CDKAL1: variants seen among roughly 807,000 people sequenced by gnomAD.
CDKAL1 encodes the protein CDKAL1 threonylcarbamoyladenosine tRNA methylthiotransferase.
Under a neutral mutation model 68.2 loss-of-function variants are expected in CDKAL1, and 32 were observed. The observed-to-expected ratio is 0.47, with a 90% CI of 0.35 to 0.63. CDKAL1 has a LOEUF of 0.63. CDKAL1 is among the 30% of genes least tolerant of loss of function. The pLI is 0.00. For synonymous variants in CDKAL1, 234 were observed against 244.3 expected (o/e 0.96, Z 0.39); for missense variants, 606 against 696.7 (o/e 0.87, Z 1.47).
intron 8 of CDKAL1, among the ~76,000 whole-genome samples, chr6:20,803,812 AAAAG>A (rs1776462726): frequency 6.6e-6 from 1 of 152,140 alleles, no homozygotes; most frequent in African/African-American, 2.4e-5. Context: ...AGCTACTGGG[AAAAG>A]AGAGAGACCA....
intron 5 of CDKAL1, among the ~76,000 whole-genome samples, chr6:20,709,250 G>A (rs56397654): frequency 0.082 from 12,448 of 152,008 alleles, 1,660 homozygotes; most frequent in African/African-American, 0.28. Context: ...TATTTGAACC[G>A]TCTAATGAAG....
chr6:21,228,449 C>T (rs1779833370), intron 15 of CDKAL1, among the ~76,000 whole-genome samples: 1 of 152,182 alleles, frequency 6.6e-6, no homozygotes, highest in South Asian at 2.1e-4. Flanking sequence ...TCTTATAACA[C>T]CACACTTATA....
intron 15 of CDKAL1, among the ~76,000 whole-genome samples, chr6:21,217,985 A>G (rs1779403753): frequency 6.6e-6 from 1 of 152,184 alleles, no homozygotes; most frequent in South Asian, 2.1e-4. Flanking sequence ...CCCAGTTTGC[A>G]GCTTGTTAAC....
chr6:20,594,567 G>A (rs1765737588), intron 4 of CDKAL1, among the ~76,000 whole-genome samples: 1 of 152,016 alleles, frequency 6.6e-6, no homozygotes. Flanking sequence ...TTGAGCCTAT[G>A]TGTGTCTTTG....
intron 4 of CDKAL1, among the ~76,000 whole-genome samples, chr6:20,571,825 G>C (rs966169127): frequency 6.6e-6 from 1 of 151,988 alleles, no homozygotes; most frequent in African/African-American, 2.4e-5. Flanking sequence ...TACCCATCTT[G>C]ATGTATTTGC....
At chr6:20,728,616 C>G (rs1772762973) in intron 5 of CDKAL1, among the ~76,000 whole-genome samples, 1 of 152,090 alleles carries the variant, frequency 6.6e-6, no homozygotes, top group African/African-American at 2.4e-5. Context: ...ATGACACTGT[C>G]TTTACTTTGA....
chr6:21,174,717 T>C lies in CDKAL1; in HGVS notation c.1300-23304T>C, dbSNP rs79201937. Among the ~76,000 whole-genome samples the C allele has an allele frequency of 3.1e-3, 427 of 139,994 alleles. 4 individuals carry two copies. Among genetic ancestry groups the C allele is most frequent in the African/African-American group, 0.011 (401 of 36,298 alleles). The allele number at this position is 139,994 out of a possible 152,430, so 91.8% of individuals were successfully genotyped here. A position where few individuals can be genotyped will look rare whatever the true frequency, so the allele number is the denominator to read the frequency against. On this transcript the variant is annotated intron_variant, in intron 13 of 15. Coordinates refer to ENST00000274695, the MANE Select transcript of CDKAL1 (RefSeq NM_017774.3). ...TAAAAAAACACATTGATAAGGCCAT[T>C]TTGGAGGGCAATTTAACTATATATA... is the stretch of plus-strand genomic sequence containing the variant.
At chr6:20,939,503 T>C (rs6939250) in intron 9 of CDKAL1, among the ~76,000 whole-genome samples, 1 of 152,282 alleles carries the variant, frequency 6.6e-6, no homozygotes, top group East Asian at 1.9e-4. Context: ...TAGAAGAGAT[T>C]TGGCAGACTT....
intron 4 of CDKAL1, among the ~76,000 whole-genome samples, chr6:20,570,213 C>T (rs9358344): frequency 0.33 from 50,611 of 151,684 alleles, 9,052 homozygotes; most frequent in East Asian, 0.53. Flanking sequence ...AAGCGATTCT[C>T]CTGCCTCAGC....
chr6:20,984,818 G>GGA (rs1554152572), intron 10 of CDKAL1, among the ~76,000 whole-genome samples: 1 of 148,898 alleles, frequency 6.7e-6, no homozygotes, highest in African/African-American at 2.5e-5. Flanking sequence ...TAACGGGGGG[G>GGA]GGTGGGGAAG....
chr6:20,770,502 C>T (rs1238275256), intron 7 of CDKAL1, among the ~76,000 whole-genome samples: 2 of 152,130 alleles, frequency 1.3e-5, no homozygotes, highest in African/African-American at 4.8e-5. Flanking sequence ...ATGAGTTTTG[C>T]AGCTGTAACC....
At chr6:20,760,485 T>C (rs1774415268) in intron 7 of CDKAL1, among the ~76,000 whole-genome samples, 1 of 152,214 alleles carries the variant, frequency 6.6e-6, no homozygotes, top group South Asian at 2.1e-4. Flanking sequence ...ATAATAGTAC[T>C]GTGAAGTGAA....
chr6:20,605,025 G>T (rs1766272725), intron 4 of CDKAL1, among the ~76,000 whole-genome samples: 1 of 152,030 alleles, frequency 6.6e-6, no homozygotes, highest in Non-Finnish European at 1.5e-5. Flanking sequence ...TGGCCATTTT[G>T]CAGTCCTTAC....
At chr6:20,976,114 T>C (rs1202348921) in intron 10 of CDKAL1, among the ~76,000 whole-genome samples, 2 of 152,180 alleles carry the variant, frequency 1.3e-5, no homozygotes, top group African/African-American at 4.8e-5. Context: ...TGTCATATAA[T>C]TGCAATCATA....
Position 20,921,790 on chromosome 6 carries a change from A to C in CDKAL1, c.743-33629A>C, listed in dbSNP as rs181592795. The stretch of plus-strand genomic sequence containing the variant: ...ACTTTCTGTAGTTCTTATTCTTCCT[A>C]CTTGGCCAAAACAGCAAATGAGTAA... On this transcript the variant is annotated intron_variant, in intron 9 of 15. Coordinates refer to ENST00000274695, the MANE Select transcript of CDKAL1 (RefSeq NM_017774.3). Among the ~76,000 whole-genome samples, 96 of 152,296 alleles carry C rather than the reference A, an allele frequency of 6.3e-4. 1 individual carries two copies. Among genetic ancestry groups the C allele is most frequent in the Admixed American group, 3.7e-3 (56 of 15,302 alleles).
chr6:20,918,596 A>C (rs1010098192), intron 9 of CDKAL1, among the ~76,000 whole-genome samples: 14 of 152,202 alleles, frequency 9.2e-5, no homozygotes, highest in African/African-American at 3.4e-4. Flanking sequence ...CTATGATTCT[A>C]CCTAGATGTA....
At chr6:21,211,129 G>A (rs528849386) in intron 15 of CDKAL1, among the ~76,000 whole-genome samples, 1 of 152,274 alleles carries the variant, frequency 6.6e-6, no homozygotes, top group Non-Finnish European at 1.5e-5. Flanking sequence ...CTACTACAGA[G>A]AGTTTCATGG....
Position 20,740,688 on chromosome 6 carries a change from A to G in CDKAL1, c.468+1073A>G, listed in dbSNP as rs916901862. 5.9e-5 allele frequency among the ~76,000 whole-genome samples: 9 copies of G among 152,296 alleles called. No homozygotes were observed. The East Asian group carries it at 7.7e-4, about 13-fold the overall frequency. On this transcript the variant is annotated intron_variant, in intron 6 of 15. Transcript: ENST00000274695. The stretch of plus-strand genomic sequence containing the variant: ...TGACAGGTTCTTGTATCATGTTCTC[A>G]GTGTAATGAACTTGTTTTCTGCTGT...
chr6:20,737,377 G>A (rs1773243801), intron 5 of CDKAL1, among the ~76,000 whole-genome samples: 1 of 152,188 alleles, frequency 6.6e-6, no homozygotes, highest in Admixed American at 6.5e-5. Flanking sequence ...CAAAGCACTT[G>A]TCTTCTTCAT....
Sources: gnomAD v4.1 joint callset for allele counts (sites outside exome capture counted in the v4.1 genomes callset) on GRCh38, gnomAD v4.1.1 for gene constraint, MANE v1.5 for transcripts, NCBI Gene and HGNC (gene_info 2026-07-23, HGNC 2026-07-21) for gene names.